Variants in IPO8 observed in about 807,000 individuals in gnomAD.
IPO8 encodes importin-8.
A neutral mutation model predicts 141.2 loss-of-function variants in IPO8; 65 were observed. The ratio of observed to expected loss-of-function variants is 0.46; its 90% CI spans 0.38 to 0.57. The LOEUF is 0.57. Ranked by LOEUF, IPO8 falls within the 20% of genes least tolerant of loss-of-function variation. IPO8 has a pLI of 0.00. For missense variants in IPO8, 980 were observed against 1,246.8 expected, an observed-to-expected ratio of 0.79 and a Z score of 3.22; for synonymous variants, 411 against 420.3, an observed-to-expected ratio of 0.98 and a Z score of 0.27.
chr12:30,650,644 T>G (rs1317212306), intron 19 of IPO8, among the ~76,000 whole-genome samples: 1 of 152,054 alleles, frequency 6.6e-6, no homozygotes, highest in Non-Finnish European at 1.5e-5. Flanking sequence ...AGAACCTACT[T>G]CATGGGGTCG....
chr12:30,638,910 A>G (rs1321755640), intron 21 of IPO8, among the ~76,000 whole-genome samples: 5 of 152,122 alleles, frequency 3.3e-5, no homozygotes, highest in African/African-American at 1.2e-4. Flanking sequence ...TGACCTCGTG[A>G]TCCACCCGCC....
intron 20 of IPO8, among the ~76,000 whole-genome samples, chr12:30,640,732 G>A (rs1398643732): frequency 1.3e-5 from 2 of 152,136 alleles, no homozygotes; most frequent in East Asian, 3.9e-4. Flanking sequence ...TTTTTGAGAT[G>A]TTTTAAAACT....
At chr12:30,631,037 C>T (rs2052425301) in intron 24 of IPO8, 80 bp from the exon 25 acceptor site, 1 of 987,692 alleles carries the variant, frequency 1.0e-6, no homozygotes, top group Admixed American at 2.1e-5. Flanking sequence ...CTCAAAGGAG[C>T]CAGATTCTTT....
At chr12:30,641,013 A>G (rs1432389384) in intron 20 of IPO8, among the ~76,000 whole-genome samples, 1 of 152,250 alleles carries the variant, frequency 6.6e-6, no homozygotes, top group African/African-American at 2.4e-5. Flanking sequence ...GTTTCATTTT[A>G]ACAAGTATTT....
intron 5 of IPO8, among the ~76,000 whole-genome samples, chr12:30,677,411 G>A (rs1231257151): frequency 1.3e-5 from 2 of 152,154 alleles, no homozygotes; most frequent in African/African-American, 2.4e-5. Flanking sequence ...TATACAGTAC[G>A]TAACTGGTAA....
chr12:30,651,775 C>T (rs957405164), intron 19 of IPO8, among the ~76,000 whole-genome samples: 1 of 152,004 alleles, frequency 6.6e-6, no homozygotes, highest in Admixed American at 6.6e-5. Context: ...TTAAATGATG[C>T]TTTTCCAACT....
intron 1 of IPO8, chr12:30,694,908 A>T (rs1340826144): frequency 4.5e-6 from 2 of 447,112 alleles, no homozygotes; most frequent in South Asian, 1.6e-5. Flanking sequence ...TAGGAAGAAC[A>T]GGAGACGGAG....
rs2052560437 is a variant in IPO8 at position 30,640,431 on chromosome 12, C to T, written c.2269-696G>A. On this transcript the variant is annotated intron_variant, in intron 20 of 24. Transcript: ENST00000256079. ...AAAGTTGAGTTATATTTATTATTTTCTTTTTAGTAGGCCAAATTGGATATA... is the reference window on the plus strand; with the variant it reads ...AAAGTTGAGTTATATTTATTATTTTTTTTTTAGTAGGCCAAATTGGATATA... Among the ~76,000 whole-genome samples the T allele has an allele frequency of 3.9e-5, 6 of 152,028 alleles. No homozygotes were observed. The South Asian group carries it at 1.2e-3, about 32-fold the overall frequency.
chr12:30,676,737 G>T, intron 5 of IPO8, 150 bp from the exon 6 acceptor site: 3 of 762,120 alleles, frequency 3.9e-6, no homozygotes, highest in East Asian at 2.7e-5. Flanking sequence ...ACTTAAAACA[G>T]ATTCATACGA....
At chr12:30,633,092 T>TA (rs1381500954) in intron 23 of IPO8, among the ~76,000 whole-genome samples, 6 of 152,234 alleles carry the variant, frequency 3.9e-5, no homozygotes, top group African/African-American at 1.2e-4. Flanking sequence ...TTTATGCTGT[T>TA]ACGTTTCCCA....
intron 17 of IPO8, among the ~76,000 whole-genome samples, chr12:30,656,222 G>C (rs138369241): frequency 6.6e-6 from 1 of 152,040 alleles, no homozygotes; most frequent in Non-Finnish European, 1.5e-5. Context: ...ATTTTTTGTA[G>C]AGACAGTGTT....
At chr12:30,678,672 C>T (rs2053153077) in intron 5 of IPO8, among the ~76,000 whole-genome samples, 1 of 152,012 alleles carries the variant, frequency 6.6e-6, no homozygotes, top group Non-Finnish European at 1.5e-5. Flanking sequence ...GCTTTATGGG[C>T]TATATTAAGA....
At chr12:30,686,181 A>C (rs2053240703) in intron 2 of IPO8, 1 of 152,166 alleles carries the variant, frequency 6.6e-6, no homozygotes, top group South Asian at 2.1e-4. Context: ...CAGACCACAC[A>C]AGCTCTAGAC....
intron 15 of IPO8, 127 bp from the exon 16 acceptor site, chr12:30,661,393 T>G: frequency 7.4e-6 from 5 of 676,862 alleles, no homozygotes; most frequent in Non-Finnish European, 1.1e-5. Context: ...AGTCTGCACT[T>G]TGCTGACTGA....
At chr12:30,676,468 C>G (rs1178681368) in intron 6 of IPO8, 30 bp downstream of exon 6, 1 of 1,514,846 alleles carries the variant, frequency 6.6e-7, no homozygotes, top group South Asian at 1.1e-5. Flanking sequence ...CCCGTTTCCC[C>G]TATTTTTCTT....
chr12:30,674,216 C>A (rs1158215032), intron 7 of IPO8, 142 bp from the exon 8 acceptor site: 2 of 570,212 alleles, frequency 3.5e-6, no homozygotes, highest in Non-Finnish European at 6.4e-6. Context: ...CCACAAGCCA[C>A]AAAATGAAAT....
At chr12:30,684,243 C>A (rs2053217156) in intron 3 of IPO8, 58 bp downstream of exon 3, 1 of 1,518,684 alleles carries the variant, frequency 6.6e-7, no homozygotes, top group African/African-American at 1.4e-5. Context: ...ACAGCACCCA[C>A]CCTCAGATCT....
intron 22 of IPO8, among the ~76,000 whole-genome samples, chr12:30,636,106 T>G (rs1444447522): frequency 6.6e-6 from 1 of 151,980 alleles, no homozygotes; most frequent in Non-Finnish European, 1.5e-5. Context: ...GAAAAACAAA[T>G]TAGAAGCTGT....
At chr12:30,649,006 G>T in intron 20 of IPO8, 131 bp downstream of exon 20, 1 of 546,552 alleles carries the variant, frequency 1.8e-6, no homozygotes. Flanking sequence ...CATTTAAACA[G>T]AATTTGCACC....
Sources: allele counts gnomAD v4.1 joint callset (sites outside exome capture counted in the v4.1 genomes callset), GRCh38; gene constraint gnomAD v4.1.1; transcripts MANE v1.5; gene names NCBI Gene and HGNC (gene_info 2026-07-23, HGNC 2026-07-21).